SH3RF3: variants seen among roughly 807,000 people sequenced by gnomAD.
SH3RF3 encodes the protein SH3 domain containing ring finger 3.
In SH3RF3, 29 loss-of-function variants were observed where a neutral mutation model predicts 66.3. The observed-to-expected ratio is 0.44, with a 90% CI of 0.33 to 0.60. The LOEUF is 0.60. Ranked by LOEUF, SH3RF3 falls within the 20% of genes least tolerant of loss-of-function variation. The pLI is 0.04. For missense variants in SH3RF3, 1,194 were observed against 1,190.9 expected (o/e 1.00, Z -0.04); for synonymous variants, 583 against 532.0 (o/e 1.10, Z -1.32).
At chr2:109,186,977 C>T (rs1314316338) in intron 1 of SH3RF3, among the ~76,000 whole-genome samples, 2 of 152,166 alleles carry the variant, frequency 1.3e-5, no homozygotes, top group Admixed American at 6.5e-5. Flanking sequence ...CAACCTGTGC[C>T]CCTAGAAGTT....
At chr2:109,333,801 CT>C (rs1682341371) in intron 1 of SH3RF3, among the ~76,000 whole-genome samples, 1 of 152,046 alleles carries the variant, frequency 6.6e-6, no homozygotes. Context: ...GTTTCCTCCA[CT>C]GTAAAATGGA....
At chr2:109,269,645 G>A (rs1278825297) in intron 1 of SH3RF3, among the ~76,000 whole-genome samples, 1 of 152,198 alleles carries the variant, frequency 6.6e-6, no homozygotes, top group African/African-American at 2.4e-5. Context: ...GCCGGACATG[G>A]TGGCGTGTGC....
At chr2:109,310,535 A>C (rs1574565281) in intron 1 of SH3RF3, among the ~76,000 whole-genome samples, 1 of 79,040 alleles carries the variant, frequency 1.3e-5, no homozygotes, top group African/African-American at 7.6e-5. Flanking sequence ...ACCCTTCAAA[A>C]AATCAGTGAA....
intron 5 of SH3RF3, among the ~76,000 whole-genome samples, chr2:109,422,801 G>C (rs528942033): frequency 6.6e-6 from 1 of 152,156 alleles, no homozygotes; most frequent in Non-Finnish European, 1.5e-5. Context: ...CCACTTCTTC[G>C]TGGGCATCTT....
intron 7 of SH3RF3, among the ~76,000 whole-genome samples, chr2:109,438,990 A>C (rs550035239): frequency 1.3e-3 from 199 of 152,312 alleles, no homozygotes; most frequent in African/African-American, 4.6e-3. Context: ...GTGAGTCAGC[A>C]TCCCAGTGCA....
chr2:109,498,023 T>C (rs28698979), intron 9 of SH3RF3, among the ~76,000 whole-genome samples: 38,695 of 151,868 alleles, frequency 0.25, 5,240 homozygotes, highest in East Asian at 0.51. Flanking sequence ...AGTTTGTGTG[T>C]ATGCTGTCTG....
At chr2:109,459,637 C>T (rs1040154038) in intron 8 of SH3RF3, among the ~76,000 whole-genome samples, 2 of 152,174 alleles carry the variant, frequency 1.3e-5, no homozygotes, top group Admixed American at 6.5e-5. Flanking sequence ...GTCACCCGAG[C>T]CAGCACAGTA....
intron 7 of SH3RF3, among the ~76,000 whole-genome samples, chr2:109,444,759 G>T (rs184058822): frequency 6.6e-6 from 1 of 152,276 alleles, no homozygotes; most frequent in South Asian, 2.1e-4. Context: ...ACAAAGAGCC[G>T]CAAGCTCAGG....
chr2:109,498,412 G>C (rs1211581639), intron 9 of SH3RF3, among the ~76,000 whole-genome samples: 1 of 152,160 alleles, frequency 6.6e-6, no homozygotes, highest in African/African-American at 2.4e-5. Context: ...GTGCCCAGGG[G>C]CTGTGCACTC....
intron 1 of SH3RF3, among the ~76,000 whole-genome samples, chr2:109,154,572 G>T (rs1677295006): frequency 6.6e-6 from 1 of 152,130 alleles, no homozygotes; most frequent in Admixed American, 6.5e-5. Context: ...CTAGTTCATG[G>T]CCAGAAGCCC....
chr2:109,184,668 C>A (rs563993284), intron 1 of SH3RF3, among the ~76,000 whole-genome samples: 9 of 152,220 alleles, frequency 5.9e-5, no homozygotes, highest in Non-Finnish European at 1.0e-4. Context: ...CCAGCCCACA[C>A]TGGGCTGCCT....
In SH3RF3 at chr2:109,274,281, C is replaced by G. The variant is rs59287607; in HGVS notation, c.574-73393C>G. The stretch of plus-strand genomic sequence containing the variant: ...TTTTTTGTATATCAAAAGTGAATTC[C>G]TAGGTGTGTGCCCAAAAGAATTAAA... On this transcript the variant is annotated intron_variant, in intron 1 of 9. Coordinates refer to ENST00000309415, the MANE Select transcript of SH3RF3 (RefSeq NM_001099289.3). 8.0e-3 allele frequency among the ~76,000 whole-genome samples: 1,215 copies of G among 152,152 alleles called. 14 individuals are homozygous for G. Among genetic ancestry groups the G allele is most frequent in the African/African-American group, 0.028 (1,161 of 41,502 alleles).
At chr2:109,200,952 G>C (rs1678656305) in intron 1 of SH3RF3, among the ~76,000 whole-genome samples, 1 of 152,106 alleles carries the variant, frequency 6.6e-6, no homozygotes, top group Non-Finnish European at 1.5e-5. Context: ...CAGTGGCCCG[G>C]GGCCCACCCA....
chr2:109,467,156 A>T (rs1678374131), intron 8 of SH3RF3, among the ~76,000 whole-genome samples: 1 of 152,270 alleles, frequency 6.6e-6, no homozygotes, highest in South Asian at 2.1e-4. Context: ...AGAAGCAGAC[A>T]CACAGGCCTA....
At chr2:109,136,461 G>A (rs1676817105) in intron 1 of SH3RF3, among the ~76,000 whole-genome samples, 1 of 152,172 alleles carries the variant, frequency 6.6e-6, no homozygotes, top group South Asian at 2.1e-4. Context: ...GATCATGCAG[G>A]CACCCCATAA....
chr2:109,294,671 T>A (rs955803031), intron 1 of SH3RF3, among the ~76,000 whole-genome samples: 2 of 149,208 alleles, frequency 1.3e-5, no homozygotes, highest in Non-Finnish European at 3.0e-5. Flanking sequence ...CCCTGCTGGG[T>A]GATGTGGTGA....
In SH3RF3 at chr2:109,489,761, G is replaced by A. The variant is rs191391245; in HGVS notation, c.2149-844G>A. Among the ~76,000 whole-genome samples, 1,030 of 150,960 alleles carry A rather than the reference G, an allele frequency of 6.8e-3. 9 individuals carry two copies. The highest frequency in any genetic ancestry group is 0.011 in the Non-Finnish European group (757 of 67,680). ...TTGGCGGGGGGTGGGCGGGGGGGAC[G>A]GAGTCTCGCTCTGTCACCCAGGCTG... On this transcript the variant is annotated intron_variant, in intron 8 of 9. Coordinates refer to ENST00000309415, the MANE Select transcript of SH3RF3 (RefSeq NM_001099289.3).
chr2:109,346,209 A>G (rs1336004883), intron 1 of SH3RF3, among the ~76,000 whole-genome samples: 2 of 152,200 alleles, frequency 1.3e-5, no homozygotes, highest in Admixed American at 1.3e-4. Context: ...GAGTTCTGCA[A>G]TGAAAAATCC....
Position 109,392,845 on chromosome 2 carries a change from A to C in SH3RF3, c.946-5745A>C, listed in dbSNP as rs538465636. Among the ~76,000 whole-genome samples, 4 of 152,260 alleles carry C rather than the reference A, an allele frequency of 2.6e-5. No homozygotes were observed. The South Asian group carries it at 8.3e-4, about 32-fold the overall frequency. On this transcript the variant is annotated intron_variant, in intron 3 of 9. Coordinates refer to ENST00000309415, the MANE Select transcript of SH3RF3 (RefSeq NM_001099289.3). ...GCTTCTTACTAGCTTAGTCACTGGC[A>C]AAGAGTCCCTGGCTTTGGAAGCCTT...
Sources: allele counts gnomAD v4.1 joint callset (sites outside exome capture counted in the v4.1 genomes callset), GRCh38; gene constraint gnomAD v4.1.1; transcripts MANE v1.5; gene names NCBI Gene and HGNC (gene_info 2026-07-23, HGNC 2026-07-21).